Variants in PPP3CA observed in about 807,000 individuals in gnomAD.
The protein encoded by PPP3CA is CAM-PRP catalytic subunit.
Under a neutral mutation model 66.5 loss-of-function variants are expected in PPP3CA, and 14 were observed. The ratio of observed to expected loss-of-function variants is 0.21; its 90% CI spans 0.14 to 0.33. The LOEUF is 0.33. Among genes scored for constraint, PPP3CA ranks in the 10% least tolerant of loss-of-function variants. PPP3CA has a pLI of 1.00. For missense variants in PPP3CA, 317 were observed against 639.5 expected, an observed-to-expected ratio of 0.50 and a Z score of 5.44; for synonymous variants, 232 against 226.2, an observed-to-expected ratio of 1.03 and a Z score of -0.23.
chr4:101,346,578 G>A (rs1437659516), intron 1 of PPP3CA, among the ~76,000 whole-genome samples, 161 bp downstream of exon 1: 3 of 151,964 alleles, frequency 2.0e-5, no homozygotes, highest in Non-Finnish European at 4.4e-5. Flanking sequence ...GGGGCGGGGG[G>A]TTCGCGGGGT....
intron 2 of PPP3CA, among the ~76,000 whole-genome samples, chr4:101,114,397 A>G (rs1452696657): frequency 6.6e-6 from 1 of 152,110 alleles, no homozygotes; most frequent in Admixed American, 6.6e-5. Context: ...TTTCCCTGTG[A>G]GAAATAACCT....
At chr4:101,101,297 C>T (rs983151202) in intron 3 of PPP3CA, among the ~76,000 whole-genome samples, 3 of 152,048 alleles carry the variant, frequency 2.0e-5, no homozygotes, top group Admixed American at 6.6e-5. Context: ...TGCTACAGAT[C>T]GGGTTTTATA....
chr4:101,108,773 AC>A (rs1473000544), intron 3 of PPP3CA, among the ~76,000 whole-genome samples, 180 bp downstream of exon 3: 1 of 152,174 alleles, frequency 6.6e-6, no homozygotes, highest in Non-Finnish European at 1.5e-5. Context: ...CGTCTCAAAA[AC>A]AAACAAACAA....
At chr4:101,333,056 A>AT (rs1729440328) in intron 1 of PPP3CA, among the ~76,000 whole-genome samples, 1 of 151,532 alleles carries the variant, frequency 6.6e-6, no homozygotes, top group Non-Finnish European at 1.5e-5. Flanking sequence ...CTGCTCACAA[A>AT]TGAGTTACAA....
At position 101,281,610 on chromosome 4, in the gene PPP3CA, CTTAAG is replaced by C. The variant is rs1578625764; in HGVS notation, c.58+65124_58+65128del. On this transcript the variant is annotated intron_variant, in intron 1 of 13. Transcript: ENST00000394854. ...AAATTTGCCACAACTTTCTGAAAGT[CTTAAG>C]TTATTTAGGCTATGCTACAGATGGT... Among the ~76,000 whole-genome samples the C allele has an allele frequency of 2.0e-5, 3 of 152,108 alleles. No individual in the cohort carries two copies. The East Asian group carries it at 5.8e-4, about 29-fold the overall frequency.
At chr4:101,312,865 T>C (rs1358868811) in intron 1 of PPP3CA, among the ~76,000 whole-genome samples, 1 of 152,210 alleles carries the variant, frequency 6.6e-6, no homozygotes, top group South Asian at 2.1e-4. Context: ...CATTAAAAAG[T>C]GGTTGCAGGC....
chr4:101,226,210 C>A (rs1725777639), intron 1 of PPP3CA, among the ~76,000 whole-genome samples: 1 of 151,690 alleles, frequency 6.6e-6, no homozygotes, highest in South Asian at 2.1e-4. Context: ...CTCCAGGCTT[C>A]TTGCAATCTT....
intron 2 of PPP3CA, among the ~76,000 whole-genome samples, chr4:101,131,274 A>C (rs1012019329): frequency 1.4e-5 from 2 of 144,608 alleles, no homozygotes; most frequent in Non-Finnish European, 3.1e-5. Context: ...ATAAATAAAT[A>C]AATAAAATAA....
At chr4:101,191,253 A>G (rs1447105442) in intron 2 of PPP3CA, among the ~76,000 whole-genome samples, 1 of 152,190 alleles carries the variant, frequency 6.6e-6, no homozygotes, top group Non-Finnish European at 1.5e-5. Context: ...ATTCTGATCT[A>G]TGGTCAAGTT....
At chr4:101,305,253 T>C (rs546225230) in intron 1 of PPP3CA, among the ~76,000 whole-genome samples, 1 of 152,328 alleles carries the variant, frequency 6.6e-6, no homozygotes, top group South Asian at 2.1e-4. Context: ...TGTTTCTTTT[T>C]GCTCATGTGA....
intron 12 of PPP3CA, among the ~76,000 whole-genome samples, chr4:101,030,255 G>T (rs1726881568): frequency 6.6e-6 from 1 of 152,068 alleles, no homozygotes; most frequent in Non-Finnish European, 1.5e-5. Flanking sequence ...ACTTTAATTT[G>T]CATTTTTCTT....
intron 6 of PPP3CA, among the ~76,000 whole-genome samples, chr4:101,091,826 A>AATAATG (rs1553924343): frequency 4.0e-5 from 3 of 75,684 alleles, no homozygotes; most frequent in Non-Finnish European, 8.5e-5. Context: ...AGTATCTAAT[A>AATAATG]ATAATAATAA....
intron 10 of PPP3CA, 98 bp from the exon 11 acceptor site, chr4:101,040,664 C>A: frequency 2.2e-6 from 2 of 917,806 alleles, no homozygotes; most frequent in Non-Finnish European, 1.6e-6. Context: ...TAAGCAAAAT[C>A]AGTATTTTTT....
intron 10 of PPP3CA, among the ~76,000 whole-genome samples, chr4:101,048,509 CAAAA>C (rs59988569): frequency 1.5e-4 from 10 of 66,330 alleles, no homozygotes; most frequent in Middle Eastern, 6.8e-3. Flanking sequence ...TTTCTCTCAC[CAAAA>C]AAAAAAAAAA....
At chr4:101,286,171 A>T (rs1399665792) in intron 1 of PPP3CA, among the ~76,000 whole-genome samples, 1 of 152,200 alleles carries the variant, frequency 6.6e-6, no homozygotes, top group African/African-American at 2.4e-5. Flanking sequence ...ATCAAATGCC[A>T]CTGCTGATCT....
chr4:101,228,388 A>T (rs1194783875), intron 1 of PPP3CA, among the ~76,000 whole-genome samples: 1 of 151,628 alleles, frequency 6.6e-6, no homozygotes, highest in Non-Finnish European at 1.5e-5. Context: ...CATCCATAGC[A>T]TATAAATTTT....
intron 5 of PPP3CA, among the ~76,000 whole-genome samples, chr4:101,097,562 A>G (rs148507434): frequency 3.3e-4 from 51 of 152,272 alleles, no homozygotes; most frequent in African/African-American, 1.2e-3. Flanking sequence ...GAAAACATTT[A>G]CATCACTTTC....
chr4:101,182,861 G>C (rs1436275240), intron 2 of PPP3CA, among the ~76,000 whole-genome samples: 1 of 152,078 alleles, frequency 6.6e-6, no homozygotes, highest in Non-Finnish European at 1.5e-5. Flanking sequence ...TTTTAAAAAT[G>C]GGAGATTTCC....
intron 1 of PPP3CA, among the ~76,000 whole-genome samples, chr4:101,239,675 G>A (rs1361956198): frequency 6.6e-6 from 1 of 151,994 alleles, no homozygotes; most frequent in African/African-American, 2.4e-5. Context: ...TTTCCCAACT[G>A]TTCTCCAGTC....
Sources: allele counts gnomAD v4.1 joint callset (sites outside exome capture counted in the v4.1 genomes callset), GRCh38; gene constraint gnomAD v4.1.1; transcripts MANE v1.5; gene names NCBI Gene and HGNC (gene_info 2026-07-23, HGNC 2026-07-21).